The following ETV6 variants were observed in gnomAD, a reference collection of about 807,000 sequenced individuals.
ETV6 encodes the protein transcription factor ETV6.
A neutral mutation model predicts 51.1 loss-of-function variants in ETV6; 16 were observed. That is an observed-to-expected ratio of 0.31 (90% CI 0.21 to 0.48). ETV6 has a LOEUF of 0.48. ETV6 is among the 20% of genes least tolerant of loss of function. ETV6 has a pLI of 0.99. For synonymous variants in ETV6, 240 were observed against 224.1 expected, an observed-to-expected ratio of 1.07 and a Z score of -0.64; for missense variants, 458 against 594.8, an observed-to-expected ratio of 0.77 and a Z score of 2.39.
At chr12:11,825,864 G>A (rs1422343045) in intron 2 of ETV6, among the ~76,000 whole-genome samples, 1 of 139,220 alleles carries the variant, frequency 7.2e-6, no homozygotes, top group Admixed American at 7.5e-5. Flanking sequence ...TAAAGTCAGA[G>A]CCTCATTCTG....
intron 1 of ETV6, among the ~76,000 whole-genome samples, chr12:11,744,435 C>G (rs182009936): frequency 9.2e-5 from 14 of 152,290 alleles, no homozygotes; most frequent in Admixed American, 6.5e-4. Flanking sequence ...GACCCTCTTT[C>G]AAAAGGTGGA....
At chr12:11,753,641 A>C (rs1866081963) in intron 2 of ETV6, among the ~76,000 whole-genome samples, 1 of 152,224 alleles carries the variant, frequency 6.6e-6, no homozygotes, top group African/African-American at 2.4e-5. Flanking sequence ...TGCAGAGAAC[A>C]GGAGACAGAG....
At chr12:11,699,565 G>A (rs1006094883) in intron 1 of ETV6, among the ~76,000 whole-genome samples, 3 of 152,110 alleles carry the variant, frequency 2.0e-5, no homozygotes, top group African/African-American at 7.2e-5. Flanking sequence ...AACCCAAAGA[G>A]CTATCCTGCA....
chr12:11,752,315 C>T lies in ETV6; in HGVS notation c.34-135C>T, dbSNP rs774081069. 71 of 860,908 alleles carry T rather than the reference C, an allele frequency of 8.2e-5. No homozygotes were observed. The African/African-American group carries it at 9.7e-4, about 12-fold the overall frequency. The allele number at this position is 860,908 out of a possible 1,614,324, so 53.3% of individuals were successfully genotyped here. On this transcript the variant is annotated intron_variant, in intron 1 of 7. Transcript: ENST00000396373. ...CAGTGTCTCTACGGAGAGAGTAAGC[C>T]GGATTGCTTGGGAAGCTGGTACTGC...
chr12:11,772,879 G>A (rs960211362), intron 2 of ETV6, among the ~76,000 whole-genome samples: 1 of 152,036 alleles, frequency 6.6e-6, no homozygotes, highest in African/African-American at 2.4e-5. Context: ...GTCTCGGGAA[G>A]GTCCAAGATC....
chr12:11,742,352 A>T (rs1025686848), intron 1 of ETV6, among the ~76,000 whole-genome samples: 1 of 152,208 alleles, frequency 6.6e-6, no homozygotes, highest in Non-Finnish European at 1.5e-5. Context: ...TCTACCCATG[A>T]CCACAATGAA....
At chr12:11,847,935 A>C (rs982634825) in intron 3 of ETV6, among the ~76,000 whole-genome samples, 1 of 152,274 alleles carries the variant, frequency 6.6e-6, no homozygotes, top group African/African-American at 2.4e-5. Flanking sequence ...AAATGGGGAC[A>C]GTAAGAGCTA....
chr12:11,819,867 A>C (rs769075058), intron 2 of ETV6, among the ~76,000 whole-genome samples: 2 of 152,200 alleles, frequency 1.3e-5, no homozygotes, highest in Non-Finnish European at 2.9e-5. Flanking sequence ...TCTACTCTGC[A>C]GCTGGAGTGA....
rs554386321 is a variant in ETV6 at position 11,663,717 on chromosome 12, A to C, written c.33+13557A>C. On this transcript the variant is annotated intron_variant, in intron 1 of 7. Transcript: ENST00000396373. ...AAAAGGTGATGTGTACATATTGTAC[A>C]TTTGAGATAGTTTGCCTGTGGTGTT... Among the ~76,000 whole-genome samples, 265 of 152,078 alleles carry C rather than the reference A, an allele frequency of 1.7e-3. 2 individuals carry two copies. Among genetic ancestry groups the C allele is most frequent in the African/African-American group, 6.1e-3 (251 of 41,462 alleles).
At chr12:11,835,077 A>G (rs1565544514) in intron 2 of ETV6, among the ~76,000 whole-genome samples, 1 of 152,214 alleles carries the variant, frequency 6.6e-6, no homozygotes, top group Non-Finnish European at 1.5e-5. Context: ...AAAGCATGGA[A>G]TTGAAGAAAT....
intron 2 of ETV6, among the ~76,000 whole-genome samples, chr12:11,753,031 C>T (rs1398032272): frequency 6.6e-6 from 1 of 152,094 alleles, no homozygotes; most frequent in Non-Finnish European, 1.5e-5. Flanking sequence ...TTCCAGGGCC[C>T]TCCCTCCCCT....
intron 1 of ETV6, among the ~76,000 whole-genome samples, chr12:11,702,178 C>G (rs1352935533): frequency 6.6e-6 from 1 of 152,034 alleles, no homozygotes; most frequent in African/African-American, 2.4e-5. Flanking sequence ...GCATTTTAGG[C>G]CAGAGATGGT....
At chr12:11,666,546 G>A (rs1055112386) in intron 1 of ETV6, among the ~76,000 whole-genome samples, 2 of 152,208 alleles carry the variant, frequency 1.3e-5, no homozygotes, top group African/African-American at 4.8e-5. Flanking sequence ...ATCTGATTAA[G>A]TGTGATCTGA....
At chr12:11,886,796 G>A (rs186072989) in intron 7 of ETV6, among the ~76,000 whole-genome samples, 4 of 152,330 alleles carry the variant, frequency 2.6e-5, no homozygotes, top group Non-Finnish European at 5.9e-5. Context: ...GGACCAATCA[G>A]GAGATGTAGA....
chr12:11,734,740 T>C (rs1019088369), intron 1 of ETV6, among the ~76,000 whole-genome samples: 2 of 152,110 alleles, frequency 1.3e-5, no homozygotes. Context: ...CTCCATTTTA[T>C]AGATGAGGAA....
intron 4 of ETV6, among the ~76,000 whole-genome samples, chr12:11,856,100 C>T (rs1313115819): frequency 6.6e-6 from 1 of 152,138 alleles, no homozygotes; most frequent in African/African-American, 2.4e-5. Flanking sequence ...ACAGATCCTT[C>T]CTCTTTTCCC....
intron 2 of ETV6, among the ~76,000 whole-genome samples, chr12:11,818,015 G>A (rs933644258): frequency 1.3e-5 from 2 of 152,198 alleles, no homozygotes; most frequent in Non-Finnish European, 2.9e-5. Context: ...GCAGACAGAC[G>A]AAGCAAGTGT....
chr12:11,708,808 A>G (rs1044977347), intron 1 of ETV6, among the ~76,000 whole-genome samples: 1 of 152,222 alleles, frequency 6.6e-6, no homozygotes, highest in Non-Finnish European at 1.5e-5. Context: ...CTTTTCAGCC[A>G]TCAATGAGAA....
chr12:11,690,591 T>TA (rs1864735842), intron 1 of ETV6, among the ~76,000 whole-genome samples: 1 of 151,856 alleles, frequency 6.6e-6, no homozygotes, highest in Non-Finnish European at 1.5e-5. Context: ...ACTCTGTCTC[T>TA]AAAAAAGATA....
Sources: gnomAD v4.1 joint callset for allele counts (sites outside exome capture counted in the v4.1 genomes callset) on GRCh38, gnomAD v4.1.1 for gene constraint, MANE v1.5 for transcripts, NCBI Gene and HGNC (gene_info 2026-07-23, HGNC 2026-07-21) for gene names.